The following ATP6V1G3 variants were observed in gnomAD, a reference collection of about 807,000 sequenced individuals.
ATP6V1G3 encodes the protein ATPase H+ transporting V1 subunit G3, also known as V-type proton ATPase subunit G 3.
A neutral mutation model predicts 9.3 loss-of-function variants in ATP6V1G3; 9 were observed. The observed-to-expected ratio is 0.97, with a 90% CI of 0.59 to 1.69. The LOEUF (loss-of-function observed/expected upper bound fraction) is 1.69, where lower values mean the gene tolerates loss of function less well. ATP6V1G3 is among the 40% of genes most tolerant of loss of function. The pLI, the probability that ATP6V1G3 is intolerant of heterozygous loss-of-function variation, is 0.00. For missense variants in ATP6V1G3, 133 were observed against 139.0 expected (o/e 0.96, Z 0.22); for synonymous variants, 43 against 43.8 (o/e 0.98, Z 0.07).
At position 198,528,797 on chromosome 1, in the gene ATP6V1G3, A is replaced by G. The variant is rs778453388; in HGVS notation, c.183+284T>C. Among the ~76,000 whole-genome samples, 22 of 151,978 alleles carry G rather than the reference A, an allele frequency of 1.4e-4. 1 individual carries two copies. The highest frequency in any genetic ancestry group is 2.9e-4 in the Non-Finnish European group (20 of 67,932). ...CAGTGGTAGGAATGAGACTTTAAGCAATCCCTTCAGCTTGTATATTTGTGA... is the reference window on the plus strand; with the variant it reads ...CAGTGGTAGGAATGAGACTTTAAGCGATCCCTTCAGCTTGTATATTTGTGA... On this transcript the variant is annotated intron_variant, in intron 2 of 2. Transcript: ENST00000367382.
intron 1 of ATP6V1G3, among the ~76,000 whole-genome samples, chr1:198,533,898 T>C (rs1660005057): frequency 6.6e-6 from 1 of 152,184 alleles, no homozygotes; most frequent in Non-Finnish European, 1.5e-5. Context: ...ATTGAATTAA[T>C]ATTGGGTTTA....
At chr1:198,524,003 A>C (rs910664929) in intron 2 of ATP6V1G3, among the ~76,000 whole-genome samples, 10 of 152,174 alleles carry the variant, frequency 6.6e-5, no homozygotes, top group African/African-American at 2.2e-4. Context: ...TAAAAGTTTT[A>C]AACAGTTGCT....
chr1:198,539,734 A>G lies in ATP6V1G3; in HGVS notation c.82+835T>C, dbSNP rs373733608. Among the ~76,000 whole-genome samples the G allele has an allele frequency of 6.6e-5, 10 of 152,362 alleles. No individual in the cohort carries two copies. The East Asian group carries it at 1.3e-3, about 21-fold the overall frequency. ...AAGGTTGTGAGGAATAAAGATAAGC[A>G]ATGAGCATGGTGCCTGGCACAATAT... On this transcript the variant is annotated intron_variant, in intron 1 of 2. Transcript: ENST00000367382.
intron 2 of ATP6V1G3, among the ~76,000 whole-genome samples, chr1:198,527,601 C>A (rs1659706699): frequency 6.6e-6 from 1 of 151,964 alleles, no homozygotes; most frequent in Admixed American, 6.6e-5. Context: ...CCTAATAGAT[C>A]ATGGTTATGA....
intron 1 of ATP6V1G3, among the ~76,000 whole-genome samples, chr1:198,538,457 G>A (rs989024182): frequency 6.6e-6 from 1 of 151,822 alleles, no homozygotes; most frequent in African/African-American, 2.4e-5. Context: ...AGAAATAGTT[G>A]GTAAAAATTA....
chr1:198,535,465 C>T, intron 1 of ATP6V1G3, among the ~76,000 whole-genome samples: 1 of 150,176 alleles, frequency 6.7e-6, no homozygotes, highest in Admixed American at 6.7e-5. Flanking sequence ...CCTATAGACT[C>T]ACAAAAATAA....
chr1:198,526,223 G>A (rs1373262554), intron 2 of ATP6V1G3, among the ~76,000 whole-genome samples: 1 of 152,124 alleles, frequency 6.6e-6, no homozygotes, highest in African/African-American at 2.4e-5. Context: ...GATATCTGCA[G>A]ACAGAGTATT....
At chr1:198,529,207 T>TTG in intron 1 of ATP6V1G3, 26 bp from the exon 2 acceptor site, 2 of 459,386 alleles carry the variant, frequency 4.4e-6, no homozygotes, top group Non-Finnish European at 6.6e-6. Context: ...TATATATATA[T>TTG]ATATATATAA....
chr1:198,524,012 C>A (rs1659555308), intron 2 of ATP6V1G3, among the ~76,000 whole-genome samples: 1 of 151,940 alleles, frequency 6.6e-6, no homozygotes, highest in Non-Finnish European at 1.5e-5. Context: ...TAAACAGTTG[C>A]TGGTTTTTAA....
intron 1 of ATP6V1G3, among the ~76,000 whole-genome samples, chr1:198,536,496 A>G (rs1289102862): frequency 6.6e-6 from 1 of 152,212 alleles, no homozygotes; most frequent in Non-Finnish European, 1.5e-5. Context: ...CAATTTATTA[A>G]GTAAAGAGCA....
intron 1 of ATP6V1G3, among the ~76,000 whole-genome samples, chr1:198,537,366 C>T (rs755492449): frequency 2.6e-4 from 39 of 152,238 alleles, no homozygotes; most frequent in Non-Finnish European, 4.7e-4. Context: ...AAATGATTAA[C>T]ATGTGAATTG....
intron 1 of ATP6V1G3, among the ~76,000 whole-genome samples, chr1:198,535,434 A>C (rs928095448): frequency 6.6e-6 from 1 of 152,086 alleles, no homozygotes; most frequent in African/African-American, 2.4e-5. Flanking sequence ...CTGATTTAAA[A>C]AAATTATTGA....
chr1:198,523,965 T>C (rs1536317), intron 2 of ATP6V1G3, among the ~76,000 whole-genome samples: 133,280 of 152,088 alleles, frequency 0.88, 59,463 homozygotes, highest in Middle Eastern at 0.97. Flanking sequence ...ACCATTAAAC[T>C]CACTTTTGCT....
At chr1:198,524,796 CT>C (rs1659592875) in intron 2 of ATP6V1G3, among the ~76,000 whole-genome samples, 2 of 152,270 alleles carry the variant, frequency 1.3e-5, no homozygotes, top group African/African-American at 4.8e-5. Flanking sequence ...GGCAAGAAGA[CT>C]GTTTTATGTT....
At chr1:198,529,501 A>C (rs1409555676) in intron 1 of ATP6V1G3, among the ~76,000 whole-genome samples, 1 of 151,960 alleles carries the variant, frequency 6.6e-6, no homozygotes, top group Admixed American at 6.6e-5. Context: ...CTGCCCATTT[A>C]CTCACAGCAG....
chr1:198,527,639 G>T (rs1236708530), intron 2 of ATP6V1G3, among the ~76,000 whole-genome samples: 1 of 151,932 alleles, frequency 6.6e-6, no homozygotes. Flanking sequence ...GAAAATCAAA[G>T]AAAAAAATGT....
chr1:198,540,934 T>C, upstream of ATP6V1G3: 1 of 420,492 alleles, frequency 2.4e-6, no homozygotes, highest in Non-Finnish European at 4.3e-6. Flanking sequence ...AGGTGTTGCA[T>C]CTACTTATAA....
intron 1 of ATP6V1G3, among the ~76,000 whole-genome samples, chr1:198,533,357 T>C (rs1571718209): frequency 6.7e-6 from 1 of 150,088 alleles, no homozygotes; most frequent in East Asian, 2.0e-4. Flanking sequence ...AAATACACTA[T>C]AGGGGTAAAG....
intron 2 of ATP6V1G3, among the ~76,000 whole-genome samples, chr1:198,526,203 T>G (rs1659645354): frequency 6.6e-6 from 1 of 152,180 alleles, no homozygotes. Flanking sequence ...AGGGAAGAAT[T>G]CCATATCTTG....
Sources: allele counts gnomAD v4.1 joint callset (sites outside exome capture counted in the v4.1 genomes callset), GRCh38; gene constraint gnomAD v4.1.1; transcripts MANE v1.5; gene names NCBI Gene and HGNC (gene_info 2026-07-23, HGNC 2026-07-21).